The following SCARA3 variants were observed in gnomAD, a reference collection of about 807,000 sequenced individuals.
The protein encoded by SCARA3 is cellular stress response gene protein.
SCARA3 carries 39 observed loss-of-function variants against 47.0 expected under a neutral mutation model. The ratio of observed to expected loss-of-function variants is 0.83; its 90% CI spans 0.64 to 1.08. The LOEUF is 1.08. Ranked by LOEUF, SCARA3 falls within the 50% of genes least tolerant of loss-of-function variation. SCARA3 has a pLI of 0.00. For synonymous variants in SCARA3, 356 were observed against 334.1 expected (o/e 1.07, Z -0.71); for missense variants, 724 against 792.3 (o/e 0.91, Z 1.04).
At chr8:27,647,860 C>T (rs1314138022) in intron 1 of SCARA3, among the ~76,000 whole-genome samples, 1 of 152,208 alleles carries the variant, frequency 6.6e-6, no homozygotes, top group Non-Finnish European at 1.5e-5. Context: ...TCAGAGCTGC[C>T]TTTGCTTACC....
chr8:27,684,759 T>C, the SCARA3 span, among the ~76,000 whole-genome samples: 1 of 151,370 alleles, frequency 6.6e-6, no homozygotes, highest in Non-Finnish European at 1.5e-5. Context: ...CCGGATGCAA[T>C]ATCACTTATA....
chr8:27,670,400 C>T (rs1802118379), intron 5 of SCARA3, among the ~76,000 whole-genome samples: 1 of 152,152 alleles, frequency 6.6e-6, no homozygotes, highest in Admixed American at 6.5e-5. Context: ...GGTGGGCTTC[C>T]TGGAGGTACT....
chr8:27,681,251 C>A (rs1457491050), downstream of SCARA3, among the ~76,000 whole-genome samples: 1 of 152,064 alleles, frequency 6.6e-6, no homozygotes. Flanking sequence ...CATAAAAACT[C>A]GCTTTTAATA....
At chr8:27,664,118 C>T (rs1447055555) in intron 5 of SCARA3, among the ~76,000 whole-genome samples, 1 of 152,202 alleles carries the variant, frequency 6.6e-6, no homozygotes, top group Non-Finnish European at 1.5e-5. Context: ...GAATTTTCAT[C>T]GAATTTATTT....
the SCARA3 span, among the ~76,000 whole-genome samples, chr8:27,719,632 A>G: frequency 1.3e-5 from 2 of 152,196 alleles, no homozygotes; most frequent in East Asian, 3.8e-4. Context: ...TCATCCATTC[A>G]ATTCTAACAA....
the SCARA3 span, among the ~76,000 whole-genome samples, chr8:27,695,483 G>A: frequency 1.8e-4 from 27 of 152,136 alleles, no homozygotes; most frequent in African/African-American, 6.3e-4. Flanking sequence ...ACACACAATA[G>A]CAAATAAAAA....
At chr8:27,730,691 C>T in the SCARA3 span, among the ~76,000 whole-genome samples, 2 of 151,684 alleles carry the variant, frequency 1.3e-5, no homozygotes, top group East Asian at 1.9e-4. Context: ...GGTTTTGCCA[C>T]GTTGCCCAGG....
At chr8:27,718,084 G>A in the SCARA3 span, among the ~76,000 whole-genome samples, 16 of 152,312 alleles carry the variant, frequency 1.1e-4, no homozygotes, top group African/African-American at 3.8e-4. Flanking sequence ...TTTCCATCCT[G>A]TGGCCTCTGT....
the SCARA3 span, among the ~76,000 whole-genome samples, chr8:27,684,144 T>G: frequency 6.6e-6 from 1 of 152,294 alleles, no homozygotes; most frequent in South Asian, 2.1e-4. Flanking sequence ...GTATCTACAT[T>G]TGGTAAAACA....
rs1487482121 is a variant in SCARA3 at position 27,659,295 on chromosome 8, C to G, written c.1125C>G (p.Leu375=). Residue 375 remains leucine, a synonymous_variant, in exon 5 of 6, where the codon CTC becomes CTG. Transcript: ENST00000301904. ...CCGACAACCACGTGCACAGCATGCT[C>G]AAGTACCTGGATGACGTGCGGCTCT... The part of the protein sequence containing the change: ...NATDNHVHSM[L]KYLDDVRLSC... The G allele has an allele frequency of 2.5e-6, 4 of 1,614,122 alleles. No individual in the cohort carries two copies. The highest frequency in any genetic ancestry group is 8.5e-7 in the Non-Finnish European group (1 of 1,180,032).
the SCARA3 span, among the ~76,000 whole-genome samples, chr8:27,714,839 T>A: frequency 6.6e-6 from 1 of 152,216 alleles, no homozygotes; most frequent in Non-Finnish European, 1.5e-5. Flanking sequence ...TTACATATCA[T>A]GTATACATAC....
chr8:27,650,664 G>T (rs1232245334), intron 2 of SCARA3, among the ~76,000 whole-genome samples: 3 of 152,198 alleles, frequency 2.0e-5, no homozygotes, highest in African/African-American at 7.2e-5. Context: ...GGAATTCGCA[G>T]CTGGGCCATC....
In SCARA3 at chr8:27,651,532, G is replaced by T; in HGVS notation, c.131G>T (p.Arg44Leu). The T allele has an allele frequency of 6.2e-7, 1 of 1,613,282 alleles. No homozygotes were observed. Among genetic ancestry groups the T allele is most frequent in the Non-Finnish European group, 8.5e-7 (1 of 1,180,004 alleles). Residue 44 changes from arginine to leucine, a missense_variant, in exon 3 of 6, where the codon CGC becomes CTC. By Grantham distance (102) the Arg-to-Leu change is moderately radical (BLOSUM62 -2). Coordinates refer to ENST00000301904, the MANE Select transcript of SCARA3 (RefSeq NM_016240.3). ...GGCCGGCCAGGGCCCCGCTGCAGCC[G>T]CTGCCAGAAGAACCTATCTTTGCAC... ...QKGRPGPRCS[R>L]CQKNLSLHTS...
At chr8:27,642,851 A>G (rs939055436) in intron 1 of SCARA3, among the ~76,000 whole-genome samples, 3 of 152,118 alleles carry the variant, frequency 2.0e-5, no homozygotes, top group Non-Finnish European at 4.4e-5. Context: ...AGAAAAGAAA[A>G]GAAAGCCAGT....
intron 3 of SCARA3, among the ~76,000 whole-genome samples, chr8:27,653,263 T>A (rs997538811): frequency 8.5e-5 from 13 of 152,220 alleles, no homozygotes; most frequent in African/African-American, 3.1e-4. Context: ...GACGCTGTCA[T>A]GTGCATAACA....
chr8:27,648,431 C>T (rs1026129026), intron 1 of SCARA3, among the ~76,000 whole-genome samples: 4 of 152,128 alleles, frequency 2.6e-5, no homozygotes, highest in South Asian at 2.1e-4. Flanking sequence ...GGTGAAACCT[C>T]GTTTCTACTA....
the SCARA3 span, among the ~76,000 whole-genome samples, chr8:27,715,842 A>ATAGATAGG: frequency 1.1e-5 from 1 of 88,286 alleles, no homozygotes; most frequent in South Asian, 6.3e-4. This position sits in a 1 kb window ranked among gnomAD's most constrained non-coding sequence, Gnocchi z 4.2. Flanking sequence ...AGATAGATAG[A>ATAGATAGG]TAGATAGATA....
rs374331049 is a variant in SCARA3 at position 27,634,204 on chromosome 8, A to C, written c.4A>C (p.Lys2Gln). 43 of 1,392,314 alleles carry C rather than the reference A, an allele frequency of 3.1e-5. No individual in the cohort carries two copies. The African/African-American group carries it at 5.4e-4, about 17-fold the overall frequency. 86.2% of individuals were successfully genotyped at this position (1,392,314 alleles called of 1,614,324 possible). A position where few individuals can be genotyped will look rare whatever the true frequency, so the allele number is the denominator to read the frequency against. ...TGAGGCCCCAGAGGAAGAGACCATG[A>C]AAGGTAAGGGCGGCCTGTCGGGGGC... M[K>Q]VRSAGGDGDA... The change falls in exon 1 of 6, where the codon AAA (lysine) becomes CAA (glutamine). Residue 2 changes from lysine to glutamine, a missense_variant. Transcript: ENST00000301904.
At chr8:27,669,283 T>C (rs182622738) in intron 5 of SCARA3, among the ~76,000 whole-genome samples, 359 of 152,356 alleles carry the variant, frequency 2.4e-3, no homozygotes, top group Non-Finnish European at 3.4e-3. Context: ...GTTGCCAGCA[T>C]TGCCGCACCG....
Sources: gnomAD v4.1 joint callset for allele counts (sites outside exome capture counted in the v4.1 genomes callset) on GRCh38, gnomAD v4.1.1 for gene constraint, Gnocchi (gnomAD v3.1) non-coding constraint, MANE v1.5 for transcripts, NCBI Gene and HGNC (gene_info 2026-07-23, HGNC 2026-07-21) for gene names.